Variants in DNAJC10 observed in about 807,000 individuals in gnomAD.
DNAJC10 encodes the protein DnaJ heat shock protein family (Hsp40) member C10.
A neutral mutation model predicts 115.0 loss-of-function variants in DNAJC10; 101 were observed. That is an observed-to-expected ratio of 0.88 (90% CI 0.75 to 1.04). The LOEUF is 1.04. Among genes scored for constraint, DNAJC10 ranks in the 50% least tolerant of loss-of-function variants. The pLI is 0.00. For synonymous variants in DNAJC10, 307 were observed against 301.5 expected, an observed-to-expected ratio of 1.02 and a Z score of -0.19; for missense variants, 981 against 928.8, an observed-to-expected ratio of 1.06 and a Z score of -0.73.
chr2:182,739,872 T>G, intron 11 of DNAJC10: 4 of 987,334 alleles, frequency 4.1e-6, no homozygotes, highest in Non-Finnish European at 4.8e-6. Context: ...CTATTATTCT[T>G]CCTTCTAGTG....
rs1694857571 is a variant in DNAJC10 at position 182,781,962 on chromosome 2, T to C, written c.*4830T>C. On this transcript the variant is annotated 3_prime_UTR_variant, in exon 24 of 24. Coordinates refer to ENST00000264065, the MANE Select transcript of DNAJC10 (RefSeq NM_018981.4). ...GCAGAAGCTCTTTAATTAGATCCCA[T>C]TTATCTGTTTTGGCTTTTATTGCCA... 6.6e-6 allele frequency: 1 copy of C among 152,174 alleles called. No individual in the cohort carries two copies. Among genetic ancestry groups the C allele is most frequent in the Non-Finnish European group, 1.5e-5 (1 of 68,028 alleles). The allele number at this position is 152,174 out of a possible 1,614,324, so 9.4% of individuals were successfully genotyped here.
chr2:182,793,821 C>CAA lies in DNAJC10; in HGVS notation c.*16690_*16691insAA, dbSNP rs1695095072. ...AAAATTTTCCAGAGAGGAAACACAT[C>CAA]ACACACACACACACACACACACACA... On this transcript the variant is annotated 3_prime_UTR_variant, in exon 24 of 24. Coordinates refer to ENST00000264065, the MANE Select transcript of DNAJC10 (RefSeq NM_018981.4). 1 of 1,162 alleles carries CAA rather than the reference C, an allele frequency of 8.6e-4. No homozygotes were observed. Among genetic ancestry groups the CAA allele is most frequent in the African/African-American group, 2.1e-3 (1 of 468 alleles). 0.1% of individuals were successfully genotyped at this position (1,162 alleles called of 1,614,324 possible). A position where few individuals can be genotyped will look rare whatever the true frequency, so the allele number is the denominator to read the frequency against.
In DNAJC10 at chr2:182,787,043, T is replaced by TTGA. The variant is rs1694960304; in HGVS notation, c.*9913_*9915dup. 1 of 152,638 alleles carries TTGA rather than the reference T, an allele frequency of 6.6e-6. No individual in the cohort carries two copies. Among genetic ancestry groups the TTGA allele is most frequent in the South Asian group, 2.1e-4 (1 of 4,830 alleles). The allele number at this position is 152,638 out of a possible 1,614,324, so 9.5% of individuals were successfully genotyped here. A position where few individuals can be genotyped will look rare whatever the true frequency, so the allele number is the denominator to read the frequency against. The stretch of plus-strand genomic sequence containing the variant: ...ACCAGGCACTCAATCTGCCAGCACT[T>TTGA]TGATAGTGGACTTCCCAGCCTCCAG... On this transcript the variant is annotated 3_prime_UTR_variant, in exon 24 of 24. Coordinates refer to ENST00000264065, the MANE Select transcript of DNAJC10 (RefSeq NM_018981.4).
chr2:182,763,188 T>C (rs898431826), intron 22 of DNAJC10, among the ~76,000 whole-genome samples: 6 of 152,128 alleles, frequency 3.9e-5, no homozygotes, highest in Non-Finnish European at 7.4e-5. Context: ...TGGAATAATA[T>C]TTCCTTAGTA....
rs183774131 is a variant in DNAJC10 at position 182,752,689 on chromosome 2, A to G, written c.1551+501A>G. On this transcript the variant is annotated intron_variant, in intron 16 of 23. Coordinates refer to ENST00000264065, the MANE Select transcript of DNAJC10 (RefSeq NM_018981.4). ...ATATACCGTAGAATGAAAGTACGTAATATCACGTATAAAATACTTTGGGCA... is the reference window on the plus strand; with the variant it reads ...ATATACCGTAGAATGAAAGTACGTAGTATCACGTATAAAATACTTTGGGCA... The G allele has an allele frequency of 4.7e-3, 1,729 of 368,734 alleles. 6 individuals carry two copies. Among genetic ancestry groups the G allele is most frequent in the South Asian group, 0.022 (191 of 8,638 alleles). 22.8% of individuals were successfully genotyped at this position (368,734 alleles called of 1,614,324 possible).
At chr2:182,716,735 C>T (rs1016231480) in intron 1 of DNAJC10, among the ~76,000 whole-genome samples, 1 of 152,210 alleles carries the variant, frequency 6.6e-6, no homozygotes, top group Non-Finnish European at 1.5e-5. Context: ...ACCAGCAACA[C>T]TTAACAGCCC....
At chr2:182,749,772 T>A (rs1241644971) in intron 14 of DNAJC10, among the ~76,000 whole-genome samples, 2 of 152,242 alleles carry the variant, frequency 1.3e-5, no homozygotes, top group Non-Finnish European at 2.9e-5. Context: ...CAAAACTCAG[T>A]GGTTTAAAAC....
At chr2:182,754,788 G>A in intron 16 of DNAJC10, 1 of 1,302,468 alleles carries the variant, frequency 7.7e-7, no homozygotes, top group Non-Finnish European at 9.8e-7. Flanking sequence ...GAATGGAGCA[G>A]CTATAAATAA....
chr2:182,742,208 A>G (rs114299100), intron 13 of DNAJC10, among the ~76,000 whole-genome samples: 4,098 of 152,134 alleles, frequency 0.027, 81 homozygotes, highest in Middle Eastern at 0.078. Flanking sequence ...TTCTTTTGAG[A>G]CAGAGTCATT....
At chr2:182,747,176 C>G (rs1693889635) in intron 14 of DNAJC10, among the ~76,000 whole-genome samples, 1 of 150,450 alleles carries the variant, frequency 6.6e-6, no homozygotes, top group African/African-American at 2.4e-5. Flanking sequence ...ATGCCTCCAG[C>G]TTTGTTCTTT....
At chr2:182,773,238 G>A (rs1375528357) in intron 22 of DNAJC10, among the ~76,000 whole-genome samples, 3 of 152,148 alleles carry the variant, frequency 2.0e-5, no homozygotes, top group East Asian at 3.8e-4. Context: ...AGGGTAACTC[G>A]ACCTTTCTCT....
In DNAJC10 at chr2:182,788,236, G is replaced by T; in HGVS notation, c.*11104G>T. ...GCATACCCCTCAGAGCACTCAAAGA[G>T]ATCCGGAAGTGTGCCACAAAGGAAA... On this transcript the variant is annotated 3_prime_UTR_variant, in exon 24 of 24. Transcript: ENST00000264065. 1 of 161,048 alleles carries T rather than the reference G, an allele frequency of 6.2e-6. No homozygotes were observed. The highest frequency in any genetic ancestry group is 1.8e-4 in the South Asian group (1 of 5,644). 10.0% of individuals were successfully genotyped at this position (161,048 alleles called of 1,614,324 possible). A position where few individuals can be genotyped will look rare whatever the true frequency, so the allele number is the denominator to read the frequency against.
intron 11 of DNAJC10, chr2:182,739,430 C>G: frequency 1.4e-6 from 1 of 718,814 alleles, no homozygotes; most frequent in Non-Finnish European, 1.8e-6. Context: ...TCAAGTAATA[C>G]TTAAACTGTT....
chr2:182,719,012 T>G (rs1039292814), intron 3 of DNAJC10, among the ~76,000 whole-genome samples: 1 of 152,128 alleles, frequency 6.6e-6, no homozygotes, highest in Non-Finnish European at 1.5e-5. Flanking sequence ...AGAAACAATA[T>G]TTCTTTAAAT....
chr2:182,735,423 C>A (rs1196383502), intron 10 of DNAJC10, among the ~76,000 whole-genome samples: 1 of 151,764 alleles, frequency 6.6e-6, no homozygotes, highest in African/African-American at 2.4e-5. Context: ...CATGTAACAC[C>A]ACCTAGATCA....
chr2:182,735,980 C>T (rs563795872), intron 10 of DNAJC10, among the ~76,000 whole-genome samples: 8 of 151,958 alleles, frequency 5.3e-5, no homozygotes, highest in South Asian at 4.2e-4. Context: ...TTTGTGGATT[C>T]GTAGAAAGAA....
chr2:182,772,724 T>C (rs1236948252), intron 22 of DNAJC10, among the ~76,000 whole-genome samples: 2 of 152,238 alleles, frequency 1.3e-5, no homozygotes, highest in African/African-American at 4.8e-5. Flanking sequence ...ATTTTGAGCC[T>C]GTGTGCATCT....
At chr2:182,747,048 C>A (rs1693886535) in intron 14 of DNAJC10, among the ~76,000 whole-genome samples, 1 of 152,158 alleles carries the variant, frequency 6.6e-6, no homozygotes, top group Non-Finnish European at 1.5e-5. Flanking sequence ...TGTATATATG[C>A]GGCGTTATTT....
chr2:182,762,713 T>C lies in DNAJC10; in HGVS notation c.2177T>C (p.Val726Ala), dbSNP rs748330619. The change falls in exon 22 of 24, where the codon GTA becomes GCA. Residue 726 changes from valine to alanine, a missense_variant. Transcript: ENST00000264065. Reference protein sequence around the residue: ...MIKGKVKAGKVDCQAYAQTCQ... With the variant: ...MIKGKVKAGKADCQAYAQTCQ... ...AAAGGAAAAGTGAAAGCTGGAAAAG[T>C]AGACTGTCAGGCTTATGCTCAGACA... 4.4e-5 allele frequency: 71 copies of C among 1,612,616 alleles called. No individual in the cohort carries two copies. Among genetic ancestry groups the C allele is most frequent in the Non-Finnish European group, 5.9e-5 (70 of 1,178,964 alleles).
Sources: gnomAD v4.1 joint callset for allele counts (sites outside exome capture counted in the v4.1 genomes callset) on GRCh38, gnomAD v4.1.1 for gene constraint, MANE v1.5 for transcripts, NCBI Gene and HGNC (gene_info 2026-07-23, HGNC 2026-07-21) for gene names.